Variants in OTUD7A observed in about 807,000 individuals in gnomAD.
OTUD7A encodes OTU domain-containing protein 7A.
Under a neutral mutation model 65.7 loss-of-function variants are expected in OTUD7A, and 12 were observed. The observed-to-expected ratio is 0.18, with a 90% CI of 0.12 to 0.30. OTUD7A has a LOEUF of 0.30. Ranked by LOEUF, OTUD7A falls within the 10% of genes least tolerant of loss-of-function variation. The probability of loss-of-function intolerance (pLI) is 1.00; values close to 1 mark genes in which losing one functional copy is unlikely to be tolerated. For synonymous variants in OTUD7A, 641 were observed against 586.3 expected (o/e 1.09, Z -1.35); for missense variants, 1,148 against 1,304.8 (o/e 0.88, Z 1.85).
At chr15:31,540,208 T>C (rs1180685679) in intron 5 of OTUD7A, among the ~76,000 whole-genome samples, 1 of 152,168 alleles carries the variant, frequency 6.6e-6, no homozygotes, top group Non-Finnish European at 1.5e-5. Flanking sequence ...CTCTACACCA[T>C]AGCAAGCAGC....
chr15:31,510,345 CCTGG>C (rs1260703285), intron 8 of OTUD7A, among the ~76,000 whole-genome samples: 1 of 151,454 alleles, frequency 6.6e-6, no homozygotes, highest in Non-Finnish European at 1.5e-5. Flanking sequence ...TTTTGGTGTG[CCTGG>C]CTGTCTGGCG....
At chr15:31,598,990 A>G (rs963804664) in intron 3 of OTUD7A, among the ~76,000 whole-genome samples, 2 of 152,190 alleles carry the variant, frequency 1.3e-5, no homozygotes, top group African/African-American at 4.8e-5. Flanking sequence ...TCTAAAAAAA[A>G]AGGCAGCAGC....
chr15:31,536,886 C>A (rs927438747), intron 5 of OTUD7A, among the ~76,000 whole-genome samples: 1 of 152,094 alleles, frequency 6.6e-6, no homozygotes, highest in African/African-American at 2.4e-5. Flanking sequence ...AGGGTACACA[C>A]ATACAGTAAG....
chr15:31,657,952 T>C (rs1455130036), intron 1 of OTUD7A, among the ~76,000 whole-genome samples: 10 of 152,190 alleles, frequency 6.6e-5, no homozygotes, highest in Non-Finnish European at 8.8e-5. Context: ...TTGGACAGAA[T>C]GTCTCTGAAG....
At chr15:31,558,461 T>C (rs1888570931) in intron 5 of OTUD7A, 1 of 156,530 alleles carries the variant, frequency 6.4e-6, no homozygotes, top group Admixed American at 6.2e-5. Context: ...AGGCAGGGAA[T>C]GGACAGCTAT....
At chr15:31,536,842 G>A (rs981125390) in intron 5 of OTUD7A, among the ~76,000 whole-genome samples, 3 of 152,176 alleles carry the variant, frequency 2.0e-5, no homozygotes, top group Non-Finnish European at 4.4e-5. Context: ...TGGGAAGGGT[G>A]AGTGGTGAGG....
chr15:31,479,414 T>C lies in OTUD7A; in HGVS notation c.*3880A>G, dbSNP rs950020396. ...ACCAAGATGAGGAGAAAAAAAATCA[T>C]GGCCATAAAGAAAGGAGCCCCAAAC... is the stretch of plus-strand genomic sequence containing the variant. On this transcript the variant is annotated 3_prime_UTR_variant, in exon 13 of 13. Coordinates refer to ENST00000307050, the MANE Select transcript of OTUD7A (RefSeq NM_001382637.1). The C allele has an allele frequency of 6.6e-6, 1 of 152,122 alleles. No individual in the cohort carries two copies. The highest frequency in any genetic ancestry group is 6.6e-5 in the Admixed American group (1 of 15,256). The allele number at this position is 152,122 out of a possible 1,614,324, so 9.4% of individuals were successfully genotyped here.
At chr15:31,662,999 GTTTT>G (rs921877201) in intron 1 of OTUD7A, among the ~76,000 whole-genome samples, 1 of 149,368 alleles carries the variant, frequency 6.7e-6, no homozygotes, top group African/African-American at 2.5e-5. Context: ...CAAATTTTCA[GTTTT>G]TTTTAGTTTT....
At chr15:31,748,600 T>C (rs7174295) in intron 1 of OTUD7A, among the ~76,000 whole-genome samples, 151,542 of 152,138 alleles carry the variant, frequency 1, 75,477 homozygotes, top group Middle Eastern at 1. Context: ...ATAAAATACA[T>C]GAGAAGGTTT....
intron 5 of OTUD7A, among the ~76,000 whole-genome samples, chr15:31,555,507 G>T (rs1888460403): frequency 6.6e-6 from 1 of 152,218 alleles, no homozygotes; most frequent in Admixed American, 6.5e-5. Flanking sequence ...CTTCATGATG[G>T]AAAAGTGGAC....
intron 1 of OTUD7A, among the ~76,000 whole-genome samples, chr15:31,678,301 G>A (rs1391347666): frequency 6.6e-6 from 1 of 152,216 alleles, no homozygotes; most frequent in Non-Finnish European, 1.5e-5. Context: ...GCCTGACAAT[G>A]CGATAGAAAA....
intron 3 of OTUD7A, among the ~76,000 whole-genome samples, chr15:31,653,009 G>C (rs1177128312): frequency 6.6e-6 from 1 of 152,134 alleles, no homozygotes; most frequent in Non-Finnish European, 1.5e-5. Context: ...CCAGCCCTTT[G>C]GGAGGCTGAG....
intron 1 of OTUD7A, among the ~76,000 whole-genome samples, chr15:31,850,794 G>A (rs1449141182): frequency 1.3e-5 from 2 of 152,102 alleles, no homozygotes; most frequent in East Asian, 1.9e-4. Context: ...CATGCAAAGC[G>A]GCCCATGGTA....
intron 1 of OTUD7A, among the ~76,000 whole-genome samples, chr15:31,671,992 TCCC>T (rs1326634399): frequency 2.0e-5 from 3 of 152,210 alleles, no homozygotes; most frequent in Non-Finnish European, 2.9e-5. Context: ...AATGCTTAGC[TCCC>T]ACTTTTAAGT....
rs1891164654 is a variant in OTUD7A at position 31,631,740 on chromosome 15, T to C, written c.151+23356A>G. Among the ~76,000 whole-genome samples, 6 of 152,304 alleles carry C rather than the reference T, an allele frequency of 3.9e-5. No individual in the cohort carries two copies. The South Asian group carries it at 1.2e-3, about 32-fold the overall frequency. Reference sequence around the variant, plus strand: ...TTCAGGTACACCAATCAGACGTAAATTTGGTCTTTTCACATAGTCCCATAT... The same window carrying C: ...TTCAGGTACACCAATCAGACGTAAACTTGGTCTTTTCACATAGTCCCATAT... On this transcript the variant is annotated intron_variant, in intron 3 of 12. Transcript: ENST00000307050.
rs1182366196 is a variant in OTUD7A, at chr15:31,480,423, T to C, written c.*2871A>G. The C allele has an allele frequency of 6.6e-6, 1 of 152,204 alleles. No homozygotes were observed. Among genetic ancestry groups the C allele is most frequent in the East Asian group, 1.9e-4 (1 of 5,186 alleles). 9.4% of individuals were successfully genotyped at this position (152,204 alleles called of 1,614,324 possible). ...CACCTGTCCTTCCTAGAAAGGGAAG[T>C]GTGGCCAGATCAGGTGGGGAAGGCT... On this transcript the variant is annotated 3_prime_UTR_variant, in exon 13 of 13. Transcript: ENST00000307050.
At chr15:31,545,597 G>C (rs1009370650) in intron 5 of OTUD7A, among the ~76,000 whole-genome samples, 2 of 152,000 alleles carry the variant, frequency 1.3e-5, no homozygotes, top group South Asian at 4.2e-4. Context: ...TAAAAAACCT[G>C]AAAAGGCACC....
At chr15:31,507,505 G>T (rs982435261) in intron 8 of OTUD7A, among the ~76,000 whole-genome samples, 16 of 152,236 alleles carry the variant, frequency 1.1e-4, no homozygotes, top group African/African-American at 3.9e-4. Context: ...GAATGAAGTC[G>T]CGTGTTACAC....
intron 1 of OTUD7A, among the ~76,000 whole-genome samples, chr15:31,753,726 T>TAA (rs1443732603): frequency 1.8e-5 from 2 of 111,316 alleles, no homozygotes; most frequent in African/African-American, 7.3e-5. Context: ...ATATATTATA[T>TAA]ATATATATAT....
Sources: allele counts gnomAD v4.1 joint callset (sites outside exome capture counted in the v4.1 genomes callset), GRCh38; gene constraint gnomAD v4.1.1; transcripts MANE v1.5; gene names NCBI Gene and HGNC (gene_info 2026-07-23, HGNC 2026-07-21).